The following MTUS1 variants were observed in gnomAD, a reference collection of about 807,000 sequenced individuals.
MTUS1 encodes the protein microtubule-associated tumor suppressor 1.
MTUS1 carries 109 observed loss-of-function variants against 120.8 expected under a neutral mutation model. That is an observed-to-expected ratio of 0.90 (90% CI 0.77 to 1.06). The LOEUF (loss-of-function observed/expected upper bound fraction) is 1.06. MTUS1 is among the 50% of genes least tolerant of loss of function. MTUS1 has a pLI of 0.00. For synonymous variants in MTUS1, 737 were observed against 550.5 expected (o/e 1.34, Z -4.74); for missense variants, 2,210 against 1,486.3 (o/e 1.49, Z -8.01).
At chr8:17,693,454 C>A (rs1275263547) in intron 6 of MTUS1, 1 of 152,156 alleles carries the variant, frequency 6.6e-6, no homozygotes, top group African/African-American at 2.4e-5. Context: ...GTGCCCAGTG[C>A]CCTCTGCGTG....
chr8:17,793,540 A>G (rs2051971930), intron 1 of MTUS1, among the ~76,000 whole-genome samples: 1 of 152,204 alleles, frequency 6.6e-6, no homozygotes, highest in Non-Finnish European at 1.5e-5. Context: ...ATTCCAGACC[A>G]CATCTGGGAG....
At chr8:17,715,295 C>T (rs1382194289) in intron 5 of MTUS1, among the ~76,000 whole-genome samples, 2 of 151,792 alleles carry the variant, frequency 1.3e-5, no homozygotes, top group East Asian at 3.9e-4. Flanking sequence ...ATTTTGTAAA[C>T]CTGAAAATTA....
At chr8:17,662,000 C>T (rs1198633688) in intron 8 of MTUS1, among the ~76,000 whole-genome samples, 2 of 152,152 alleles carry the variant, frequency 1.3e-5, no homozygotes, top group Admixed American at 1.3e-4. Flanking sequence ...CATGTAAACG[C>T]TGTATTAAAG....
chr8:17,729,984 C>CAAAAA (rs36018422), intron 3 of MTUS1, among the ~76,000 whole-genome samples: 2 of 85,874 alleles, frequency 2.3e-5, no homozygotes, highest in Non-Finnish European at 2.4e-5. Flanking sequence ...ATGCTATCAT[C>CAAAAA]AAAAAAAAAA....
At chr8:17,694,954 A>C (rs950733721) in intron 6 of MTUS1, among the ~76,000 whole-genome samples, 15 of 152,098 alleles carry the variant, frequency 9.9e-5, no homozygotes, top group African/African-American at 3.6e-4. Flanking sequence ...GCACAGGGCT[A>C]TTCACTTGGT....
At chr8:17,674,134 T>G (rs1030887776) in intron 8 of MTUS1, among the ~76,000 whole-genome samples, 5 of 151,702 alleles carry the variant, frequency 3.3e-5, no homozygotes, top group African/African-American at 1.2e-4. Flanking sequence ...AAGATACGAG[T>G]TGACGTAGAA....
chr8:17,756,042 T>TGA, intron 1 of MTUS1, 81 bp from the exon 2 acceptor site: 7 of 778,626 alleles, frequency 9.0e-6, no homozygotes, highest in African/African-American at 1.8e-5. Context: ...ACTAAGTGAT[T>TGA]AGTTTCAATC....
At chr8:17,791,318 T>C (rs778218190) in intron 1 of MTUS1, among the ~76,000 whole-genome samples, 1 of 152,206 alleles carries the variant, frequency 6.6e-6, no homozygotes, top group Non-Finnish European at 1.5e-5. Context: ...TTCACTATGC[T>C]TAAAAGATGA....
intron 7 of MTUS1, among the ~76,000 whole-genome samples, chr8:17,681,833 G>C (rs1489022645): frequency 6.8e-6 from 1 of 147,470 alleles, no homozygotes; most frequent in East Asian, 2.0e-4. Flanking sequence ...AAATTTCCTA[G>C]TAGCCACGCT....
At chr8:17,727,613 C>T (rs780349864) in intron 3 of MTUS1, among the ~76,000 whole-genome samples, 4 of 152,238 alleles carry the variant, frequency 2.6e-5, no homozygotes, top group African/African-American at 4.8e-5. Flanking sequence ...CTGCAAGTAA[C>T]ACAGGCGCTA....
intron 3 of MTUS1, among the ~76,000 whole-genome samples, chr8:17,738,168 AG>A (rs2047061844): frequency 6.6e-6 from 1 of 152,208 alleles, no homozygotes; most frequent in African/African-American, 2.4e-5. Flanking sequence ...TTTCTCTAGA[AG>A]AAAACCAAAA....
chr8:17,744,435 T>C (rs1479726955), intron 2 of MTUS1, among the ~76,000 whole-genome samples: 1 of 152,236 alleles, frequency 6.6e-6, no homozygotes, highest in Middle Eastern at 3.4e-3. Context: ...CTTCTTTAGT[T>C]TTTTGACACG....
In MTUS1 at chr8:17,645,836, A is replaced by C; in HGVS notation, c.*90T>G. On this transcript the variant is annotated 3_prime_UTR_variant, in exon 15 of 15. Coordinates refer to ENST00000693296, the MANE Select transcript of MTUS1 (RefSeq NM_001363059.2). Reference sequence around the variant, plus strand: ...CTACGGTGATCACACGTGTGCTGATATACCTCTTGTGCCCACGTTCCTCCT... The same window carrying C: ...CTACGGTGATCACACGTGTGCTGATCTACCTCTTGTGCCCACGTTCCTCCT... The C allele has an allele frequency of 6.7e-7, 1 of 1,494,272 alleles. No homozygotes were observed. Among genetic ancestry groups the C allele is most frequent in the Non-Finnish European group, 8.9e-7 (1 of 1,117,360 alleles). 92.6% of individuals were successfully genotyped at this position (1,494,272 alleles called of 1,614,324 possible).
At chr8:17,675,448 G>T (rs1364917402) in intron 7 of MTUS1, among the ~76,000 whole-genome samples, 196 bp from the exon 8 acceptor site, 3 of 152,188 alleles carry the variant, frequency 2.0e-5, no homozygotes, top group Non-Finnish European at 4.4e-5. Context: ...TCAAAAATCT[G>T]TATTTTTGCA....
intron 6 of MTUS1, among the ~76,000 whole-genome samples, chr8:17,712,276 T>C (rs907346642): frequency 1.3e-5 from 2 of 152,172 alleles, no homozygotes; most frequent in South Asian, 2.1e-4. Context: ...TATCACTGTA[T>C]ATAAAATAAG....
At chr8:17,663,706 C>T (rs1810285172) in intron 8 of MTUS1, among the ~76,000 whole-genome samples, 1 of 152,108 alleles carries the variant, frequency 6.6e-6, no homozygotes, top group African/African-American at 2.4e-5. Context: ...AGCGATTCTC[C>T]TGCCTCAGCC....
At chr8:17,663,757 G>A (rs941158896) in intron 8 of MTUS1, among the ~76,000 whole-genome samples, 4 of 152,010 alleles carry the variant, frequency 2.6e-5, no homozygotes, top group Non-Finnish European at 5.9e-5. Flanking sequence ...CACCATACCC[G>A]GCTAATTTTT....
intron 6 of MTUS1, 57 bp from the exon 7 acceptor site, chr8:17,684,599 C>T (rs1352020202): frequency 2.9e-6 from 4 of 1,395,488 alleles, no homozygotes; most frequent in East Asian, 4.6e-5. Context: ...TTAAAATCAC[C>T]ACCACAAGGA....
At position 17,755,095 on chromosome 8, in the gene MTUS1, G is replaced by T. The variant is rs767333158; in HGVS notation, c.713C>A (p.Ala238Asp). 6.2e-7 allele frequency: 1 copy of T among 1,613,806 alleles called. No homozygotes were observed. The highest frequency in any genetic ancestry group is 1.3e-5 in the African/African-American group (1 of 75,024). The part of the protein sequence containing the change: ...FENPQVTPSE[A>D]QDMTYTAFSD... The stretch of plus-strand genomic sequence containing the variant: ...AAATGCTGTGTAAGTCATGTCTTGG[G>T]CTTCTGATGGTGTGACTTGAGGGTT... The change falls in exon 2 of 15, where the codon GCC becomes GAC. Residue 238 changes from alanine to aspartate, a missense_variant. Ala to Asp is a moderately radical substitution (Grantham distance 126). Coordinates refer to ENST00000693296, the MANE Select transcript of MTUS1 (RefSeq NM_001363059.2).
Sources: allele counts gnomAD v4.1 joint callset (sites outside exome capture counted in the v4.1 genomes callset), GRCh38; gene constraint gnomAD v4.1.1; transcripts MANE v1.5; gene names NCBI Gene and HGNC (gene_info 2026-07-23, HGNC 2026-07-21).